SLC12A6: variants seen among roughly 807,000 people sequenced by gnomAD.
The protein encoded by SLC12A6 is solute carrier family 12 member 6.
A neutral mutation model predicts 135.3 loss-of-function variants in SLC12A6; 66 were observed. The ratio of observed to expected loss-of-function variants is 0.49; its 90% confidence interval spans 0.40 to 0.60. The LOEUF is 0.60. SLC12A6 is among the 20% of genes least tolerant of loss of function. SLC12A6 has a pLI of 0.00. For missense variants in SLC12A6, 1,058 were observed against 1,452.3 expected (o/e 0.73, Z 4.41); for synonymous variants, 513 against 508.8 (o/e 1.01, Z -0.11).
At chr15:34,260,139 T>G (rs1246893503) in intron 4 of SLC12A6, among the ~76,000 whole-genome samples, 1 of 152,254 alleles carries the variant, frequency 6.6e-6, no homozygotes, top group African/African-American at 2.4e-5. Flanking sequence ...TTAGCTTGAT[T>G]TAATCATTCC....
At chr15:34,312,666 C>A (rs987223501) in intron 2 of SLC12A6, among the ~76,000 whole-genome samples, 1 of 152,174 alleles carries the variant, frequency 6.6e-6, no homozygotes, top group African/African-American at 2.4e-5. Flanking sequence ...AATATACAGG[C>A]ATACCTTGTT....
At chr15:34,269,046 T>C (rs961231516) in intron 3 of SLC12A6, among the ~76,000 whole-genome samples, 1 of 151,930 alleles carries the variant, frequency 6.6e-6, no homozygotes, top group Non-Finnish European at 1.5e-5. Flanking sequence ...TTAGTAGACA[T>C]GGGGTTTTGC....
rs1476332956 is a variant in SLC12A6, at chr15:34,231,953, TA to T, written c.*1927del. 2 of 152,164 alleles carry T rather than the reference TA, an allele frequency of 1.3e-5. No homozygotes were observed. The highest frequency in any genetic ancestry group is 1.3e-4 in the Admixed American group (2 of 15,278). The allele number at this position is 152,164 out of a possible 1,614,324, so 9.4% of individuals were successfully genotyped here. A position where few individuals can be genotyped will look rare whatever the true frequency, so the allele number is the denominator to read the frequency against. On this transcript the variant is annotated 3_prime_UTR_variant, in exon 26 of 26. Coordinates refer to ENST00000354181, the MANE Select transcript of SLC12A6 (RefSeq NM_001365088.1). Reference sequence around the variant, plus strand: ...TCTCTGTCCTTACAGGTCAAATGAATAATTTGTGACACCTAGGTCAGCTTGC... The same window carrying T: ...TCTCTGTCCTTACAGGTCAAATGAATATTTGTGACACCTAGGTCAGCTTGC...
intron 4 of SLC12A6, among the ~76,000 whole-genome samples, chr15:34,260,628 T>A (rs181034315): frequency 4.3e-4 from 66 of 152,362 alleles, no homozygotes; most frequent in Non-Finnish European, 7.6e-4. Context: ...TGATTTATAG[T>A]TAGAAGAAAG....
chr15:34,327,520 T>C (rs1431148022), intron 2 of SLC12A6, among the ~76,000 whole-genome samples: 1 of 151,926 alleles, frequency 6.6e-6, no homozygotes, highest in Admixed American at 6.6e-5. Context: ...CAACCGGGCA[T>C]GGTGGCATGC....
chr15:34,282,171 G>A (rs748266185), intron 2 of SLC12A6, among the ~76,000 whole-genome samples: 9 of 152,124 alleles, frequency 5.9e-5, no homozygotes, highest in Non-Finnish European at 1.3e-4. Context: ...ACATTCCTTA[G>A]TATATTAATA....
intron 11 of SLC12A6, 78 bp downstream of exon 11, chr15:34,250,821 C>T: frequency 1.4e-6 from 2 of 1,409,340 alleles, no homozygotes; most frequent in Non-Finnish European, 2.0e-6. Flanking sequence ...TCTAGGAACC[C>T]TGAGAATTCT....
intron 22 of SLC12A6, 68 bp downstream of exon 22, chr15:34,237,351 A>G: frequency 6.8e-7 from 1 of 1,479,074 alleles, no homozygotes; most frequent in South Asian, 1.1e-5. Flanking sequence ...AAACCAGAAA[A>G]GATTCAAGGA....
chr15:34,249,373 AAC>A (rs1892226844), intron 13 of SLC12A6, among the ~76,000 whole-genome samples: 2 of 152,106 alleles, frequency 1.3e-5, no homozygotes, highest in Admixed American at 1.3e-4. Context: ...CATCCTGGAC[AAC>A]ATAGTAAGGC....
chr15:34,252,288 T>C lies in SLC12A6; in HGVS notation c.1215A>G (p.Leu405=), dbSNP rs763741256. ...EINNMTVPSK[L]WGFFCNSSQF... ...GACTCGAGTTACAGAAGAATCCCCA[T>C]AACTTTGATGGGACTGTCATGTTGT... The change falls in exon 10 of 26, where the codon TTA becomes TTG. Residue 405 remains leucine (L), a synonymous_variant. Transcript: ENST00000354181. 3.1e-6 allele frequency: 5 copies of C among 1,607,716 alleles called. No homozygotes were observed. In the Admixed American group the frequency reaches 6.7e-5, roughly 21 times the overall value.
chr15:34,267,891 G>A (rs1310147729), intron 3 of SLC12A6, among the ~76,000 whole-genome samples: 1 of 151,872 alleles, frequency 6.6e-6, no homozygotes, highest in Non-Finnish European at 1.5e-5. Flanking sequence ...CTACTACTAA[G>A]CTACTGTTTA....
intron 2 of SLC12A6, among the ~76,000 whole-genome samples, chr15:34,304,400 G>A (rs1366743856): frequency 6.6e-6 from 1 of 152,094 alleles, no homozygotes; most frequent in Non-Finnish European, 1.5e-5. Flanking sequence ...GTTTTTGTGT[G>A]GAAATACACT....
chr15:34,327,342 C>T (rs1889537483), intron 2 of SLC12A6, among the ~76,000 whole-genome samples: 1 of 152,008 alleles, frequency 6.6e-6, no homozygotes. Context: ...TGTAAATTAG[C>T]CAGCTGTAAA....
intron 2 of SLC12A6, among the ~76,000 whole-genome samples, chr15:34,311,103 G>A (rs1888223039): frequency 6.6e-6 from 1 of 152,020 alleles, no homozygotes; most frequent in Admixed American, 6.6e-5. Context: ...TACCAGTACA[G>A]GTTCCTCTCT....
At position 34,238,401 on chromosome 15, in the gene SLC12A6, C is replaced by A. The variant is rs764281921; in HGVS notation, c.2633G>T (p.Gly878Val). 1 of 1,611,634 alleles carries A rather than the reference C, an allele frequency of 6.2e-7. No homozygotes were observed. The highest frequency in any genetic ancestry group is 8.5e-7 in the Non-Finnish European group (1 of 1,177,936). ...EDARAWKTFI[G>V]TVRVTTAAHL... ...GGCAGCAGTTGTCACTCGAACTGTG[C>A]CTAGGGAGAAAAAAGAATAAGCAGA... is the stretch of plus-strand genomic sequence containing the variant. The change falls in exon 21 of 26, where the codon GGC (glycine) becomes GTC (valine). Residue 878 changes from glycine (G) to valine (V), a missense_variant and splice_region_variant. Gly to Val is a moderately radical substitution (Grantham distance 109). Coordinates refer to ENST00000354181, the MANE Select transcript of SLC12A6 (RefSeq NM_001365088.1).
At chr15:34,258,432 C>T (rs989547485) in intron 5 of SLC12A6, among the ~76,000 whole-genome samples, 3 of 152,202 alleles carry the variant, frequency 2.0e-5, no homozygotes, top group African/African-American at 7.2e-5. Flanking sequence ...TCCCTCCCAT[C>T]AGCTAGATCT....
chr15:34,238,762 G>C, intron 20 of SLC12A6: 1 of 657,322 alleles, frequency 1.5e-6, no homozygotes, highest in Non-Finnish European at 2.7e-6. Flanking sequence ...CACAAGACTT[G>C]ACAGAAATAA....
chr15:34,292,380 C>A (rs1895597039), intron 2 of SLC12A6, among the ~76,000 whole-genome samples: 1 of 152,100 alleles, frequency 6.6e-6, no homozygotes, highest in Non-Finnish European at 1.5e-5. Context: ...CAGAGGGGAA[C>A]CTGCTTGTAT....
chr15:34,254,225 G>A, intron 9 of SLC12A6, 123 bp downstream of exon 9: 1 of 1,004,084 alleles, frequency 1.0e-6, no homozygotes, highest in Non-Finnish European at 1.6e-6. Context: ...AGTCTAACTG[G>A]GCTTATCTGA....
Sources: allele counts gnomAD v4.1 joint callset (sites outside exome capture counted in the v4.1 genomes callset), GRCh38; gene constraint gnomAD v4.1.1; transcripts MANE v1.5; gene names NCBI Gene and HGNC (gene_info 2026-07-23, HGNC 2026-07-21).